The following ANXA7 variants were observed in gnomAD, a reference collection of about 807,000 sequenced individuals.
ANXA7 encodes annexin VII.
ANXA7 carries 55 observed loss-of-function variants against 64.9 expected under a neutral mutation model. That is an observed-to-expected ratio of 0.85 (90% confidence interval 0.68 to 1.06). The LOEUF (loss-of-function observed/expected upper bound fraction) is 1.06, where lower values mean the gene tolerates loss of function less well. ANXA7 is among the 50% of genes least tolerant of loss of function. ANXA7 has a pLI of 0.00. For synonymous variants in ANXA7, 200 were observed against 192.4 expected (o/e 1.04, Z -0.33); for missense variants, 548 against 582.1 (o/e 0.94, Z 0.60).
chr10:73,397,910 T>C (rs556148421), intron 3 of ANXA7, among the ~76,000 whole-genome samples: 2 of 152,312 alleles, frequency 1.3e-5, no homozygotes, highest in South Asian at 4.1e-4. Context: ...GTCTTAAGAC[T>C]ACAAACAAGC....
At chr10:73,376,708 A>G (rs796793800) in intron 12 of ANXA7, among the ~76,000 whole-genome samples, 26 of 152,278 alleles carry the variant, frequency 1.7e-4, no homozygotes, top group African/African-American at 5.3e-4. Flanking sequence ...ACTTGAACAG[A>G]TATTTGTACA....
intron 5 of ANXA7, among the ~76,000 whole-genome samples, chr10:73,395,222 C>G (rs1358855096): frequency 6.6e-6 from 1 of 152,152 alleles, no homozygotes; most frequent in Non-Finnish European, 1.5e-5. Context: ...ACAAGTTTCT[C>G]AACCTCTCTG....
intron 1 of ANXA7, among the ~76,000 whole-genome samples, chr10:73,406,207 C>T (rs1227798705): frequency 6.6e-6 from 1 of 152,194 alleles, no homozygotes; most frequent in Non-Finnish European, 1.5e-5. Context: ...CTGGCCGCCT[C>T]GGCCTCCCAA....
intron 1 of ANXA7, among the ~76,000 whole-genome samples, chr10:73,404,840 C>T (rs950407638): frequency 2.6e-5 from 4 of 152,076 alleles, no homozygotes; most frequent in African/African-American, 9.7e-5. Context: ...TAAAACACGG[C>T]CAGGCGCAGT....
intron 12 of ANXA7, among the ~76,000 whole-genome samples, chr10:73,377,904 C>CGTGTGTGTGTGT (rs141696096): frequency 2.5e-5 from 3 of 119,328 alleles, no homozygotes; most frequent in Admixed American, 8.4e-5. Flanking sequence ...CACGCCCCGG[C>CGTGTGTGTGTGT]GTGTGTGTGT....
intron 2 of ANXA7, 150 bp from the exon 3 acceptor site, chr10:73,398,535 G>A (rs1323973154): frequency 1.4e-6 from 1 of 700,490 alleles, no homozygotes; most frequent in East Asian, 2.8e-5. Flanking sequence ...TCTTATACTA[G>A]TTTATCAGTA....
intron 5 of ANXA7, chr10:73,396,084 T>C (rs1388149984): frequency 3.7e-6 from 6 of 1,601,464 alleles, no homozygotes; most frequent in East Asian, 2.2e-5. Context: ...GAAAACAGGA[T>C]AGGAAGAAAA....
intron 5 of ANXA7, among the ~76,000 whole-genome samples, chr10:73,390,721 A>AAAATATATATATATATATATATATAT: frequency 1.9e-5 from 2 of 107,728 alleles, no homozygotes; most frequent in East Asian, 8.3e-4. Context: ...TATATATATA[A>AAAATATATATATATATATATATATAT]AAATATATAT....
At chr10:73,386,053 A>G (rs974220730) in intron 7 of ANXA7, among the ~76,000 whole-genome samples, 13 of 152,062 alleles carry the variant, frequency 8.5e-5, no homozygotes, top group Non-Finnish European at 1.5e-4. Flanking sequence ...GTCTCTACTA[A>G]AAGTACAAAA....
intron 5 of ANXA7, among the ~76,000 whole-genome samples, chr10:73,390,710 AT>A (rs1433896864): frequency 1.4e-4 from 16 of 114,668 alleles, no homozygotes; most frequent in African/African-American, 6.0e-4. Flanking sequence ...ATATATATAT[AT>A]ATATATATAA....
At chr10:73,390,922 A>C (rs901571178) in intron 5 of ANXA7, among the ~76,000 whole-genome samples, 2 of 151,732 alleles carry the variant, frequency 1.3e-5, no homozygotes, top group African/African-American at 4.8e-5. Context: ...CTGTAATCCC[A>C]GCACTTCGGG....
chr10:73,391,502 C>G (rs527917215), intron 5 of ANXA7, among the ~76,000 whole-genome samples: 1 of 151,538 alleles, frequency 6.6e-6, no homozygotes, highest in African/African-American at 2.4e-5. Flanking sequence ...GTCCCAGTTA[C>G]TCAGGAGGCT....
At chr10:73,410,698 C>G (rs1396941002) in intron 1 of ANXA7, among the ~76,000 whole-genome samples, 1 of 150,232 alleles carries the variant, frequency 6.7e-6, no homozygotes, top group African/African-American at 2.5e-5. Flanking sequence ...AGGAGAATTG[C>G]TTGAATCCGG....
At chr10:73,404,892 G>T (rs1481873554) in intron 1 of ANXA7, among the ~76,000 whole-genome samples, 3 of 152,080 alleles carry the variant, frequency 2.0e-5, no homozygotes, top group African/African-American at 7.2e-5. Context: ...GCCAACGCAG[G>T]TGGATCACTT....
In ANXA7 at chr10:73,399,032, C is replaced by T. The variant is rs77467680; in HGVS notation, c.55-647G>A. ...AATGAACATAGACAAAAGTGAGATA[C>T]ACCACTTTCTAAACCTGTCCCCTAA... On this transcript the variant is annotated intron_variant, in intron 2 of 12. Transcript: ENST00000372921. Among the ~76,000 whole-genome samples, 1,446 of 152,262 alleles carry T rather than the reference C, an allele frequency of 9.5e-3. 26 individuals carry two copies. Among genetic ancestry groups the T allele is most frequent in the African/African-American group, 0.032 (1,350 of 41,552 alleles).
At chr10:73,383,509 T>C in intron 8 of ANXA7, 68 bp downstream of exon 8, 1 of 1,359,400 alleles carries the variant, frequency 7.4e-7, no homozygotes, top group Non-Finnish European at 1.0e-6. Context: ...TTCAGAACTG[T>C]CATAATTTGT....
At chr10:73,412,325 G>T (rs1038530374) in intron 1 of ANXA7, among the ~76,000 whole-genome samples, 2 of 152,084 alleles carry the variant, frequency 1.3e-5, no homozygotes, top group African/African-American at 4.8e-5. Context: ...GACAGCCACT[G>T]CGCCCGGCCG....
chr10:73,399,819 T>C (rs551102836), intron 2 of ANXA7, among the ~76,000 whole-genome samples: 1 of 144,440 alleles, frequency 6.9e-6, no homozygotes, highest in East Asian at 2.3e-4. Context: ...AGACTCCATC[T>C]CAAAAACAAA....
chr10:73,410,416 T>C (rs190085140), intron 1 of ANXA7, among the ~76,000 whole-genome samples: 2 of 152,232 alleles, frequency 1.3e-5, no homozygotes, highest in South Asian at 4.1e-4. Flanking sequence ...TTCAACATCA[T>C]TAATCATCAG....
Sources: gnomAD v4.1 joint callset for allele counts (sites outside exome capture counted in the v4.1 genomes callset) on GRCh38, gnomAD v4.1.1 for gene constraint, MANE v1.5 for transcripts, NCBI Gene and HGNC (gene_info 2026-07-23, HGNC 2026-07-21) for gene names.